XKR4: variants seen among roughly 807,000 people sequenced by gnomAD.
XKR4 encodes the protein XK related 4.
XKR4 carries 12 observed loss-of-function variants against 53.9 expected under a neutral mutation model. The ratio of observed to expected loss-of-function variants is 0.22; its 90% CI spans 0.14 to 0.36. The LOEUF is 0.36. Among genes scored for constraint, XKR4 ranks in the 10% least tolerant of loss-of-function variants. XKR4 has a pLI of 1.00. For synonymous variants in XKR4, 354 were observed against 362.4 expected, an observed-to-expected ratio of 0.98 and a Z score of 0.26; for missense variants, 799 against 859.5, an observed-to-expected ratio of 0.93 and a Z score of 0.88.
chr8:55,386,916 C>A (rs1804327161), intron 2 of XKR4, among the ~76,000 whole-genome samples: 1 of 152,202 alleles, frequency 6.6e-6, no homozygotes, highest in African/African-American at 2.4e-5. Context: ...TATCATATAA[C>A]AAATGTCTAT....
chr8:55,145,421 A>T (rs1563467725), intron 1 of XKR4, among the ~76,000 whole-genome samples: 3 of 107,748 alleles, frequency 2.8e-5, no homozygotes, highest in Non-Finnish European at 6.2e-5. Flanking sequence ...AATACCTAAA[A>T]TTTTTTCTCA....
chr8:55,289,645 GAAAGGAA>G (rs1818964744), intron 1 of XKR4, among the ~76,000 whole-genome samples: 1 of 109,612 alleles, frequency 9.1e-6, no homozygotes, highest in Non-Finnish European at 1.9e-5. Flanking sequence ...AAGAAAGAAA[GAAAGGAA>G]GGAAGGAAAA....
At chr8:55,306,860 G>C (rs1174372603) in intron 1 of XKR4, among the ~76,000 whole-genome samples, 1 of 151,876 alleles carries the variant, frequency 6.6e-6, no homozygotes, top group Non-Finnish European at 1.5e-5. Context: ...TTGGTGGTAA[G>C]ATGGATTTCC....
intron 2 of XKR4, among the ~76,000 whole-genome samples, chr8:55,500,548 A>T (rs1806422368): frequency 6.6e-6 from 1 of 152,178 alleles, no homozygotes; most frequent in African/African-American, 2.4e-5. Context: ...AGCTCACCAC[A>T]GGAGACCCTT....
chr8:55,504,268 A>C (rs536551061), intron 2 of XKR4, among the ~76,000 whole-genome samples: 1 of 151,948 alleles, frequency 6.6e-6, no homozygotes, highest in South Asian at 2.1e-4. Flanking sequence ...GCTGGAGTGC[A>C]GTGATGCGAT....
At chr8:55,208,359 A>G (rs1585939898) in intron 1 of XKR4, among the ~76,000 whole-genome samples, 1 of 152,162 alleles carries the variant, frequency 6.6e-6, no homozygotes, top group Non-Finnish European at 1.5e-5. Context: ...TTCCCAATAC[A>G]CCTCTTAGCC....
intron 1 of XKR4, among the ~76,000 whole-genome samples, chr8:55,290,941 C>A (rs1229434068): frequency 6.6e-6 from 1 of 152,080 alleles, no homozygotes; most frequent in East Asian, 1.9e-4. Flanking sequence ...GGTGTCAAAT[C>A]TAAGAACTTT....
At chr8:55,264,362 A>AT (rs1363245051) in intron 1 of XKR4, among the ~76,000 whole-genome samples, 1 of 152,166 alleles carries the variant, frequency 6.6e-6, no homozygotes, top group Non-Finnish European at 1.5e-5. Flanking sequence ...GAGAACAGAA[A>AT]TTTTGCCTAT....
At chr8:55,211,456 C>T (rs545135116) in intron 1 of XKR4, among the ~76,000 whole-genome samples, 20 of 152,288 alleles carry the variant, frequency 1.3e-4, no homozygotes, top group Admixed American at 8.5e-4. Context: ...GAATGTCCTA[C>T]GTTAGGAAGG....
intron 2 of XKR4, among the ~76,000 whole-genome samples, chr8:55,448,980 T>A (rs892205379): frequency 5.3e-5 from 8 of 152,142 alleles, no homozygotes; most frequent in Admixed American, 1.3e-4. Flanking sequence ...TGCATTGAAC[T>A]CTTCCAGTAG....
At chr8:55,468,442 C>A (rs965024338) in intron 2 of XKR4, among the ~76,000 whole-genome samples, 2 of 151,950 alleles carry the variant, frequency 1.3e-5, no homozygotes, top group Non-Finnish European at 2.9e-5. Context: ...AGCACTATTT[C>A]CATGTTATAT....
intron 2 of XKR4, among the ~76,000 whole-genome samples, chr8:55,388,524 C>T (rs964635827): frequency 6.6e-6 from 1 of 152,144 alleles, no homozygotes; most frequent in African/African-American, 2.4e-5. Flanking sequence ...GAGGCTGGTT[C>T]CTCATTCATA....
chr8:55,125,512 G>A (rs1816452825), intron 1 of XKR4, among the ~76,000 whole-genome samples: 2 of 152,188 alleles, frequency 1.3e-5, no homozygotes, highest in African/African-American at 2.4e-5. Flanking sequence ...GGGATTACAG[G>A]CATGAGCCAC....
chr8:55,130,715 G>T (rs757724059), intron 1 of XKR4, among the ~76,000 whole-genome samples: 9 of 152,156 alleles, frequency 5.9e-5, no homozygotes, highest in Non-Finnish European at 8.8e-5. Flanking sequence ...CTATGAGGGG[G>T]TTCATGTAAG....
chr8:55,499,882 T>C (rs1806409345), intron 2 of XKR4, among the ~76,000 whole-genome samples: 2 of 152,224 alleles, frequency 1.3e-5, no homozygotes, highest in Admixed American at 1.3e-4. Flanking sequence ...TCCTCCAGTA[T>C]GTGAATTTCT....
At chr8:55,269,627 T>C (rs1298570497) in intron 1 of XKR4, among the ~76,000 whole-genome samples, 1 of 152,134 alleles carries the variant, frequency 6.6e-6, no homozygotes, top group Non-Finnish European at 1.5e-5. Flanking sequence ...CACTATGTCA[T>C]GGTAAATAAC....
chr8:55,478,679 G>C (rs1454820854), intron 2 of XKR4, among the ~76,000 whole-genome samples: 4 of 152,140 alleles, frequency 2.6e-5, no homozygotes, highest in Admixed American at 2.0e-4. Context: ...GACACACATA[G>C]GCTCAAAATA....
intron 1 of XKR4, among the ~76,000 whole-genome samples, chr8:55,323,204 A>G (rs1033342057): frequency 2.0e-5 from 3 of 152,176 alleles, no homozygotes; most frequent in African/African-American, 7.2e-5. Context: ...ACTACTATTA[A>G]TTTATGTGTG....
intron 1 of XKR4, among the ~76,000 whole-genome samples, chr8:55,337,309 C>G (rs768990863): frequency 3.9e-5 from 6 of 152,164 alleles, no homozygotes; most frequent in Non-Finnish European, 7.3e-5. Flanking sequence ...CCCCATTAAT[C>G]AAGTCATGGG....
Sources: allele counts gnomAD v4.1 joint callset (sites outside exome capture counted in the v4.1 genomes callset), GRCh38; gene constraint gnomAD v4.1.1; transcripts MANE v1.5; gene names NCBI Gene and HGNC (gene_info 2026-07-23, HGNC 2026-07-21).